Variants in MAPKAP1 observed in about 807,000 individuals in gnomAD.
MAPKAP1 encodes the protein MAPK associated protein 1.
A neutral mutation model predicts 65.7 loss-of-function variants in MAPKAP1; 20 were observed. The ratio of observed to expected loss-of-function variants is 0.30; its 90% confidence interval spans 0.21 to 0.44. MAPKAP1 has a LOEUF of 0.44. Ranked by LOEUF, MAPKAP1 falls within the 20% of genes least tolerant of loss-of-function variation. The probability of loss-of-function intolerance (pLI) is 1.00; values close to 1 mark genes in which losing one functional copy is unlikely to be tolerated. For missense variants in MAPKAP1, 423 were observed against 648.0 expected (o/e 0.65, Z 3.77); for synonymous variants, 222 against 244.3 (o/e 0.91, Z 0.85).
intron 5 of MAPKAP1, among the ~76,000 whole-genome samples, chr9:125,574,929 C>T (rs1425371082): frequency 6.6e-6 from 1 of 152,168 alleles, no homozygotes; most frequent in Admixed American, 6.5e-5. Context: ...TGCTAGTAGG[C>T]GTTAACACCA....
At chr9:125,458,952 G>T (rs1853329820) in intron 10 of MAPKAP1, among the ~76,000 whole-genome samples, 1 of 79,772 alleles carries the variant, frequency 1.3e-5, no homozygotes, top group African/African-American at 5.3e-5. Flanking sequence ...GTGGCTGCCG[G>T]GCGGAGACGC....
At chr9:125,669,117 C>T (rs573093982) in intron 3 of MAPKAP1, among the ~76,000 whole-genome samples, 12 of 150,950 alleles carry the variant, frequency 7.9e-5, no homozygotes, top group Admixed American at 2.7e-4. Flanking sequence ...GAGGCGGAGG[C>T]TGCAGTGAGC....
At chr9:125,455,079 C>G (rs1488118798) in intron 10 of MAPKAP1, among the ~76,000 whole-genome samples, 1 of 151,520 alleles carries the variant, frequency 6.6e-6, no homozygotes, top group Non-Finnish European at 1.5e-5. Context: ...AATGAGAAAA[C>G]ATAGACATTT....
intron 9 of MAPKAP1, among the ~76,000 whole-genome samples, chr9:125,480,971 CG>C (rs34764390): frequency 0.029 from 2,021 of 68,518 alleles, 281 homozygotes; most frequent in African/African-American, 0.11. Flanking sequence ...GACTCCGTTT[CG>C]GGGAAAAAAA....
intron 7 of MAPKAP1, chr9:125,521,597 A>G: frequency 1.7e-5 from 25 of 1,476,406 alleles, no homozygotes; most frequent in Non-Finnish European, 2.2e-5. Flanking sequence ...CACACTGCAG[A>G]GGAATTTAGC....
intron 10 of MAPKAP1, among the ~76,000 whole-genome samples, chr9:125,457,444 C>T (rs1007515992): frequency 2.6e-5 from 4 of 152,202 alleles, no homozygotes; most frequent in Non-Finnish European, 5.9e-5. Context: ...TCTGTGAATT[C>T]TATCACCTCT....
At chr9:125,633,105 G>A (rs914779392) in intron 4 of MAPKAP1, among the ~76,000 whole-genome samples, 6 of 152,196 alleles carry the variant, frequency 3.9e-5, no homozygotes, top group African/African-American at 2.4e-5. Context: ...ATGCAAGACC[G>A]CTCAATCCCA....
chr9:125,496,845 G>A (rs1426634545), intron 8 of MAPKAP1, among the ~76,000 whole-genome samples: 1 of 152,148 alleles, frequency 6.6e-6, no homozygotes, highest in African/African-American at 2.4e-5. Context: ...TTGGTCCAGT[G>A]AGAAGCCTGG....
chr9:125,699,733 A>C (rs537531688), intron 1 of MAPKAP1, among the ~76,000 whole-genome samples: 1 of 152,010 alleles, frequency 6.6e-6, no homozygotes, highest in South Asian at 2.1e-4. Flanking sequence ...CCTGGGCTCA[A>C]GCAATCCTCC....
chr9:125,585,861 C>A, intron 4 of MAPKAP1, 134 bp from the exon 5 acceptor site: 1 of 778,074 alleles, frequency 1.3e-6, no homozygotes, highest in Non-Finnish European at 2.0e-6. Context: ...GGAATGGTCC[C>A]AAAGTGGAAA....
At chr9:125,634,472 A>T (rs74394049) in intron 4 of MAPKAP1, among the ~76,000 whole-genome samples, 3,290 of 152,328 alleles carry the variant, frequency 0.022, 47 homozygotes, top group South Asian at 0.041. Context: ...ATTTAGCAAT[A>T]ACAGCAATTC....
At chr9:125,497,556 A>G (rs536890965) in intron 8 of MAPKAP1, among the ~76,000 whole-genome samples, 4 of 152,362 alleles carry the variant, frequency 2.6e-5, no homozygotes, top group South Asian at 4.1e-4. Flanking sequence ...ATGTTGTTAT[A>G]ATAAGAGCAC....
intron 11 of MAPKAP1, among the ~76,000 whole-genome samples, chr9:125,441,038 TAAA>T (rs1852461733): frequency 6.6e-6 from 1 of 152,210 alleles, no homozygotes; most frequent in Non-Finnish European, 1.5e-5. Context: ...AATCAAAAGA[TAAA>T]AACGCCCTTT....
chr9:125,489,067 T>TA (rs1854605962), intron 8 of MAPKAP1, among the ~76,000 whole-genome samples: 1 of 152,228 alleles, frequency 6.6e-6, no homozygotes, highest in South Asian at 2.1e-4. Context: ...ATATTAAAAT[T>TA]ACTCTACGAC....
chr9:125,519,277 T>C (rs754594804), intron 7 of MAPKAP1, among the ~76,000 whole-genome samples: 18 of 152,068 alleles, frequency 1.2e-4, no homozygotes, highest in Non-Finnish European at 2.4e-4. Flanking sequence ...CTTCCAGTGC[T>C]GCTTAAAGGG....
chr9:125,582,342 T>A (rs1001946606), intron 5 of MAPKAP1, among the ~76,000 whole-genome samples: 1 of 152,232 alleles, frequency 6.6e-6, no homozygotes, highest in Non-Finnish European at 1.5e-5. Flanking sequence ...CTTTACTATA[T>A]TCTGTTCCCA....
intron 4 of MAPKAP1, among the ~76,000 whole-genome samples, chr9:125,649,108 T>C (rs1045961951): frequency 3.9e-5 from 6 of 152,150 alleles, no homozygotes; most frequent in African/African-American, 1.4e-4. Flanking sequence ...ATCTCTCTAC[T>C]GCAAACCATG....
At chr9:125,642,850 G>T (rs1288040789) in intron 4 of MAPKAP1, among the ~76,000 whole-genome samples, 1 of 152,062 alleles carries the variant, frequency 6.6e-6, no homozygotes, top group East Asian at 1.9e-4. Context: ...CCAGCATTTG[G>T]GGACCTCCTC....
intron 5 of MAPKAP1, among the ~76,000 whole-genome samples, chr9:125,582,931 ATGCCCTGACTAGC>A (rs925130079): frequency 2.0e-5 from 3 of 152,098 alleles, no homozygotes; most frequent in African/African-American, 7.2e-5. Context: ...ATCATCACCC[ATGCCCTGACTAGC>A]TGCCCTGAAG....
Sources: gnomAD v4.1 joint callset for allele counts (sites outside exome capture counted in the v4.1 genomes callset) on GRCh38, gnomAD v4.1.1 for gene constraint, MANE v1.5 for transcripts, NCBI Gene and HGNC (gene_info 2026-07-23, HGNC 2026-07-21) for gene names.